CCDC171: variants seen among roughly 807,000 people sequenced by gnomAD.
CCDC171 encodes coiled-coil domain-containing protein 171.
CCDC171 carries 177 observed loss-of-function variants against 168.2 expected under a neutral mutation model. That is an observed-to-expected ratio of 1.05 (90% CI 0.93 to 1.19). CCDC171 has a LOEUF of 1.19. Among genes scored for constraint, CCDC171 ranks in the 50% most tolerant of loss-of-function variants. CCDC171 has a pLI of 0.00. For missense variants in CCDC171, 1,991 were observed against 1,539.0 expected (o/e 1.29, Z -4.91); for synonymous variants, 687 against 540.8 (o/e 1.27, Z -3.75).
downstream of CCDC171, among the ~76,000 whole-genome samples, chr9:15,976,322 T>A (rs1831618513): frequency 6.6e-6 from 1 of 152,192 alleles, no homozygotes; most frequent in Non-Finnish European, 1.5e-5. Context: ...ATAATTGCCT[T>A]CATAACTTGA....
At chr9:15,683,964 C>T (rs1025168620) in intron 10 of CCDC171, among the ~76,000 whole-genome samples, 32 of 151,938 alleles carry the variant, frequency 2.1e-4, no homozygotes, top group Admixed American at 2.0e-3. Context: ...TACTGACATC[C>T]GTGGAAGTGG....
intron 3 of CCDC171, among the ~76,000 whole-genome samples, chr9:15,576,659 A>G (rs1182018436): frequency 6.6e-6 from 1 of 152,158 alleles, no homozygotes; most frequent in East Asian, 1.9e-4. Context: ...GTCGAATTCA[A>G]TTTTCAGTCA....
chr9:16,037,077 A>T (rs1393319900), intron 8 of CCDC171, among the ~76,000 whole-genome samples: 1 of 152,244 alleles, frequency 6.6e-6, no homozygotes, highest in Non-Finnish European at 1.5e-5. Context: ...CTAATGTTCT[A>T]TAGCATTGTA....
intron 7 of CCDC171, among the ~76,000 whole-genome samples, chr9:15,641,336 T>C (rs1451717207): frequency 2.0e-5 from 3 of 152,200 alleles, no homozygotes; most frequent in Admixed American, 6.5e-5. Flanking sequence ...AAATTTCATA[T>C]CTCAGTTTTT....
At chr9:15,571,388 G>A (rs1309403062) in intron 2 of CCDC171, among the ~76,000 whole-genome samples, 1 of 151,988 alleles carries the variant, frequency 6.6e-6, no homozygotes, top group Non-Finnish European at 1.5e-5. Context: ...TGAATAATGT[G>A]GTAATTTCCC....
chr9:16,035,004 C>T (rs373926821), intron 6 of CCDC171, among the ~76,000 whole-genome samples: 2 of 152,296 alleles, frequency 1.3e-5, no homozygotes, highest in East Asian at 3.9e-4. Flanking sequence ...CCCCATCTTT[C>T]AACCAGATGG....
rs978849840 is a variant in CCDC171, at chr9:15,674,010, T to A, written c.1077-4748T>A. 6.6e-5 allele frequency among the ~76,000 whole-genome samples: 10 copies of A among 152,264 alleles called. 1 individual carries two copies. The highest frequency in any genetic ancestry group is 5.9e-4 in the Admixed American group (9 of 15,296). The stretch of plus-strand genomic sequence containing the variant: ...TTTTTTGGTTGAGAGGCTATTAATT[T>A]TTGCCTCAATTTCAGAACCTATTAT... On this transcript the variant is annotated intron_variant, in intron 9 of 25. Coordinates refer to ENST00000380701, the MANE Select transcript of CCDC171 (RefSeq NM_173550.4).
chr9:15,719,445 A>AGAGC (rs1554776019), intron 11 of CCDC171, among the ~76,000 whole-genome samples: 5 of 62,432 alleles, frequency 8.0e-5, no homozygotes, highest in African/African-American at 3.5e-4. Context: ...AGAGAGAGAG[A>AGAGC]GAAAGTTTAT....
chr9:15,828,790 G>C (rs1396648425), intron 21 of CCDC171, among the ~76,000 whole-genome samples: 1 of 151,992 alleles, frequency 6.6e-6, no homozygotes, highest in Admixed American at 6.5e-5. Context: ...TTTTCAAACT[G>C]GAATGAAAAC....
intron 4 of CCDC171, among the ~76,000 whole-genome samples, chr9:15,585,756 T>A (rs1231000452): frequency 6.6e-6 from 1 of 152,122 alleles, no homozygotes; most frequent in Non-Finnish European, 1.5e-5. Context: ...GGCGGGTGGA[T>A]CGCTTGAACC....
At chr9:15,840,064 A>G (rs980817815) in intron 21 of CCDC171, among the ~76,000 whole-genome samples, 1 of 152,130 alleles carries the variant, frequency 6.6e-6, no homozygotes, top group Non-Finnish European at 1.5e-5. Flanking sequence ...ACGTTAAATA[A>G]TGGCCATTTA....
At chr9:15,598,654 G>T (rs1341121468) in intron 6 of CCDC171, among the ~76,000 whole-genome samples, 1 of 152,152 alleles carries the variant, frequency 6.6e-6, no homozygotes, top group African/African-American at 2.4e-5. Context: ...TTCTGTAGAT[G>T]TCTATTAGGT....
the CCDC171 span, among the ~76,000 whole-genome samples, chr9:16,106,939 C>T: frequency 6.6e-6 from 1 of 152,134 alleles, no homozygotes. Context: ...TCCTGCAAAA[C>T]CGGGGGACCC....
At chr9:15,736,158 C>T (rs1043933915) in intron 16 of CCDC171, among the ~76,000 whole-genome samples, 1 of 152,110 alleles carries the variant, frequency 6.6e-6, no homozygotes, top group Admixed American at 6.6e-5. Flanking sequence ...ATGTCTAGCC[C>T]ATTGCTTGGC....
intron 6 of CCDC171, among the ~76,000 whole-genome samples, chr9:15,596,885 G>T (rs1339087202): frequency 6.6e-6 from 1 of 152,092 alleles, no homozygotes; most frequent in South Asian, 2.1e-4. Context: ...GGATTCCTAG[G>T]TATTTTATTC....
intron 18 of CCDC171, among the ~76,000 whole-genome samples, chr9:15,748,934 T>G (rs559476715): frequency 6.6e-6 from 1 of 152,256 alleles, no homozygotes; most frequent in South Asian, 2.1e-4. Context: ...CCAGCTAACA[T>G]CATAATGACA....
chr9:15,909,457 G>A (rs1306957323), intron 24 of CCDC171, among the ~76,000 whole-genome samples: 1 of 151,988 alleles, frequency 6.6e-6, no homozygotes, highest in East Asian at 1.9e-4. Context: ...GCGAGAAGGT[G>A]GTTGGCAGTC....
rs1434446661 is a variant in CCDC171 at position 15,578,768 on chromosome 9, G to A, written c.178-81G>A. The A allele has an allele frequency of 3.0e-5, 35 of 1,161,492 alleles. No homozygotes were observed. The East Asian group carries it at 7.0e-4, about 23-fold the overall frequency. The allele number at this position is 1,161,492 out of a possible 1,614,324, so 71.9% of individuals were successfully genotyped here. A position where few individuals can be genotyped will look rare whatever the true frequency, so the allele number is the denominator to read the frequency against. On this transcript the variant is annotated intron_variant, in intron 3 of 25. Transcript: ENST00000380701. ...TGCCTTGTATATATTATGGAAACAA[G>A]TTTCTCTAAGAAACTTAAATGTTTG... is the stretch of plus-strand genomic sequence containing the variant.
chr9:15,710,095 G>A (rs1053805919), intron 11 of CCDC171, among the ~76,000 whole-genome samples: 1 of 151,724 alleles, frequency 6.6e-6, no homozygotes, highest in Admixed American at 6.6e-5. Flanking sequence ...ATTTAACTTT[G>A]ACTCTAAAAA....
Sources: allele counts gnomAD v4.1 joint callset (sites outside exome capture counted in the v4.1 genomes callset), GRCh38; gene constraint gnomAD v4.1.1; transcripts MANE v1.5; gene names NCBI Gene and HGNC (gene_info 2026-07-23, HGNC 2026-07-21).